Variants in UBE2Q2 observed in about 807,000 individuals in gnomAD.
The protein encoded by UBE2Q2 is ubiquitin conjugating enzyme E2 Q2.
UBE2Q2 carries 54 observed loss-of-function variants against 59.9 expected under a neutral mutation model. The observed-to-expected ratio is 0.90, with a 90% CI of 0.72 to 1.13. The LOEUF (loss-of-function observed/expected upper bound fraction) is 1.13, where lower values mean the gene tolerates loss of function less well. Among genes scored for constraint, UBE2Q2 ranks in the 50% most tolerant of loss-of-function variants. UBE2Q2 has a pLI of 0.00. For missense variants in UBE2Q2, 433 were observed against 441.9 expected, an observed-to-expected ratio of 0.98 and a Z score of 0.18; for synonymous variants, 165 against 155.2, an observed-to-expected ratio of 1.06 and a Z score of -0.47.
chr15:75,883,689 G>A (rs1264751882), intron 9 of UBE2Q2, among the ~76,000 whole-genome samples: 3 of 151,926 alleles, frequency 2.0e-5, no homozygotes, highest in Non-Finnish European at 4.4e-5. Context: ...GTAGGTCTGT[G>A]GTGGGGCCTG....
chr15:75,893,926 G>C (rs944293260), intron 11 of UBE2Q2, among the ~76,000 whole-genome samples: 1 of 152,038 alleles, frequency 6.6e-6, no homozygotes, highest in African/African-American at 2.4e-5. Context: ...CCCTCTTCCT[G>C]TCTGGAACAT....
chr15:75,871,158 T>A (rs1269956672), intron 4 of UBE2Q2, among the ~76,000 whole-genome samples: 3 of 152,264 alleles, frequency 2.0e-5, no homozygotes, highest in Non-Finnish European at 4.4e-5. Context: ...AATCAAGTGC[T>A]GTGCTTTTAG....
intron 6 of UBE2Q2, 149 bp downstream of exon 6, chr15:75,876,420 C>T: frequency 1.4e-6 from 1 of 693,712 alleles, no homozygotes; most frequent in East Asian, 3.0e-5. Flanking sequence ...AATCAAGTTC[C>T]AAAAGATGTA....
rs1388511903 is a variant in UBE2Q2, at chr15:75,873,475, T to C, written c.495T>C (p.Ile165=). ...ATGAGATGAAGGAAGAAGAGCCTAT[T>C]AGTGGGAAAAAGTCAGAGGATGAAG... is the stretch of plus-strand genomic sequence containing the variant. ...DHYEMKEEEP[I]SGKKSEDEGI... is the part of the protein sequence containing the mutation. Residue 165 remains isoleucine, a synonymous_variant, in exon 5 of 13, where the codon ATT becomes ATC. Transcript: ENST00000267938. The C allele has an allele frequency of 6.2e-7, 1 of 1,613,688 alleles. No individual in the cohort carries two copies. The highest frequency in any genetic ancestry group is 8.5e-7 in the Non-Finnish European group (1 of 1,179,916).
chr15:75,854,679 A>G (rs953088812), intron 2 of UBE2Q2, among the ~76,000 whole-genome samples, 192 bp downstream of exon 2: 2 of 152,144 alleles, frequency 1.3e-5, no homozygotes, highest in Admixed American at 6.5e-5. Context: ...TCCCACATGT[A>G]TAACCTTAAT....
At chr15:75,891,138 C>G (rs1899076854) in intron 11 of UBE2Q2, 124 bp downstream of exon 11, 2 of 731,132 alleles carry the variant, frequency 2.7e-6, no homozygotes, top group African/African-American at 3.5e-5. Context: ...TTGTTTTCTT[C>G]TTGTTACAAA....
rs767139269 is a variant in UBE2Q2 at position 75,854,455 on chromosome 15, G to A, written c.250G>A (p.Glu84Lys). 1.2e-6 allele frequency: 2 copies of A among 1,613,098 alleles called. No individual in the cohort carries two copies. The highest frequency in any genetic ancestry group is 2.2e-5 in the East Asian group (1 of 44,846). ...AGACCCAAATCTGACATCAGTTCTGGAACGTCTAGAAGATACTAAGAACAA... is the reference window on the plus strand; with the variant it reads ...AGACCCAAATCTGACATCAGTTCTGAAACGTCTAGAAGATACTAAGAACAA... ...SEDPNLTSVL[E>K]RLEDTKNNNL... The change falls in exon 2 of 13, where the codon GAA (glutamate) becomes AAA (lysine). Residue 84 changes from glutamate to lysine, a missense_variant. By Grantham distance (56) the Glu-to-Lys change is moderately conservative. Transcript: ENST00000267938.
At chr15:75,899,290 AAT>A (rs200041298) in intron 12 of UBE2Q2, 135 bp from the exon 13 acceptor site, 279 of 240,460 alleles carry the variant, frequency 1.2e-3, no homozygotes, top group South Asian at 1.7e-3. Context: ...ATATATATAT[AAT>A]ATATATATAT....
At chr15:75,848,073 T>C (rs376318944) in intron 1 of UBE2Q2, among the ~76,000 whole-genome samples, 11 of 152,212 alleles carry the variant, frequency 7.2e-5, no homozygotes, top group African/African-American at 2.2e-4. Context: ...AGTTAGGAGC[T>C]TAAGTAAGTC....
At chr15:75,869,118 G>T (rs1034928288) in intron 4 of UBE2Q2, 108 bp downstream of exon 4, 12 of 927,892 alleles carry the variant, frequency 1.3e-5, no homozygotes, top group Middle Eastern at 4.7e-4. Flanking sequence ...ATAATTGAAA[G>T]CACATTGTGT....
In UBE2Q2 at chr15:75,876,251, G is replaced by C. The variant is rs1388194897; in HGVS notation, c.653G>C (p.Arg218Thr). The change falls in exon 6 of 13, where the codon AGA becomes ACA. Residue 218 changes from arginine to threonine, a missense_variant. Physicochemically the swap from Arg to Thr is moderately conservative, Grantham distance 71. Coordinates refer to ENST00000267938, the MANE Select transcript of UBE2Q2 (RefSeq NM_173469.4). ...RLMKELRDIYRSQSYKTGIYS... is the reference protein window; with the variant it reads ...RLMKELRDIYTSQSYKTGIYS... ...ATGAAAGAGCTCAGGGACATATACAGATCACAGAGTTATAAAACAGGTAAG... is the reference window on the plus strand; with the variant it reads ...ATGAAAGAGCTCAGGGACATATACACATCACAGAGTTATAAAACAGGTAAG... 6.2e-7 allele frequency: 1 copy of C among 1,613,626 alleles called. No individual in the cohort carries two copies. The highest frequency in any genetic ancestry group is 1.7e-5 in the Admixed American group (1 of 59,996).
At chr15:75,870,751 G>A in intron 4 of UBE2Q2, among the ~76,000 whole-genome samples, 1 of 152,128 alleles carries the variant, frequency 6.6e-6, no homozygotes, top group East Asian at 1.9e-4. Context: ...TTTTGAGGAG[G>A]GTTGATGGGT....
At position 75,843,650 on chromosome 15, in the gene UBE2Q2, C is replaced by A; in HGVS notation, c.-17C>A. ...CGGCTCCCCTTCCGCGCCCCTCCCGCCGGAGATGAGGGGAAGATGTCCGTG... is the reference window on the plus strand; with the variant it reads ...CGGCTCCCCTTCCGCGCCCCTCCCGACGGAGATGAGGGGAAGATGTCCGTG... On this transcript the variant is annotated 5_prime_UTR_variant, in exon 1 of 13. Coordinates refer to ENST00000267938, the MANE Select transcript of UBE2Q2 (RefSeq NM_173469.4). The A allele has an allele frequency of 1.9e-6, 3 of 1,579,106 alleles. No individual in the cohort carries two copies. The highest frequency in any genetic ancestry group is 2.6e-6 in the Non-Finnish European group (3 of 1,165,242).
chr15:75,899,105 CAA>C (rs34292081), intron 12 of UBE2Q2, among the ~76,000 whole-genome samples: 6,992 of 111,102 alleles, frequency 0.063, 252 homozygotes, highest in Non-Finnish European at 0.089. Flanking sequence ...TACTAAATAC[CAA>C]AAAAAAAAAA....
Position 75,873,682 on chromosome 15 carries a change from TTAG to T in UBE2Q2, c.588+116_588+118del, listed in dbSNP as rs1897919254. On this transcript the variant is annotated intron_variant, in intron 5 of 12. Coordinates refer to ENST00000267938, the MANE Select transcript of UBE2Q2 (RefSeq NM_173469.4). The stretch of plus-strand genomic sequence containing the variant: ...GCTGCCCTCTTCCTCCATTTCTGCC[TTAG>T]TGGTGGATTCAGTCATGTGTGTTTT... 3 of 1,203,440 alleles carry T rather than the reference TTAG, an allele frequency of 2.5e-6. No homozygotes were observed. The South Asian group carries it at 4.5e-5, about 18-fold the overall frequency. The allele number at this position is 1,203,440 out of a possible 1,614,324, so 74.5% of individuals were successfully genotyped here. A position where few individuals can be genotyped will look rare whatever the true frequency, so the allele number is the denominator to read the frequency against.
intron 2 of UBE2Q2, among the ~76,000 whole-genome samples, chr15:75,858,547 T>C (rs971380604): frequency 6.6e-6 from 1 of 152,162 alleles, no homozygotes; most frequent in Admixed American, 6.5e-5. Flanking sequence ...TTCCCTGTGA[T>C]CTCAGTTTCT....
intron 1 of UBE2Q2, chr15:75,844,475 C>G: frequency 6.4e-7 from 1 of 1,551,476 alleles, no homozygotes; most frequent in Non-Finnish European, 8.7e-7. Context: ...ATAGTACCGT[C>G]GTTGCGGCAG....
intron 9 of UBE2Q2, among the ~76,000 whole-genome samples, chr15:75,886,365 C>T (rs1239418478): frequency 2.6e-5 from 4 of 152,002 alleles, no homozygotes; most frequent in Admixed American, 6.6e-5. Flanking sequence ...AGTGATCCAC[C>T]CACCTGGGCC....
At chr15:75,856,269 G>GTGTGTGTGTGTGTGTATATATATATATA (rs1256142539) in intron 2 of UBE2Q2, among the ~76,000 whole-genome samples, 24 of 139,262 alleles carry the variant, frequency 1.7e-4, no homozygotes, top group African/African-American at 4.7e-4. Flanking sequence ...GTGTGTGTGT[G>GTGTGTGTGTGTGTGTATATATATATATA]TATATATATA....
Sources: allele counts gnomAD v4.1 joint callset (sites outside exome capture counted in the v4.1 genomes callset), GRCh38; gene constraint gnomAD v4.1.1; transcripts MANE v1.5; gene names NCBI Gene and HGNC (gene_info 2026-07-23, HGNC 2026-07-21).